The following KIF26B variants were observed in gnomAD, a reference collection of about 807,000 sequenced individuals.
KIF26B encodes kinesin family member 26B, also known as kinesin-like protein KIF26B.
Under a neutral mutation model 151.2 loss-of-function variants are expected in KIF26B, and 63 were observed. That is an observed-to-expected ratio of 0.42 (90% confidence interval 0.34 to 0.51). The LOEUF (loss-of-function observed/expected upper bound fraction) is 0.51, where lower values mean the gene tolerates loss of function less well. Among genes scored for constraint, KIF26B ranks in the 20% least tolerant of loss-of-function variants. KIF26B has a pLI of 0.07. For synonymous variants in KIF26B, 1,357 were observed against 1,262.1 expected (o/e 1.08, Z -1.59); for missense variants, 2,813 against 2,913.6 (o/e 0.97, Z 0.79).
Position 245,613,493 on chromosome 1 carries a change from G to T in KIF26B, c.2098+1517G>T, listed in dbSNP as rs547415354. Among the ~76,000 whole-genome samples, 25 of 152,318 alleles carry T rather than the reference G, an allele frequency of 1.6e-4. No individual in the cohort carries two copies. In the South Asian group the frequency reaches 4.6e-3, roughly 28 times the overall value. ...TGGCACACACCTCCCAGCTAGTTGG[G>T]GGTCTGAGGCAGGAGAATTGCTTGA... On this transcript the variant is annotated intron_variant, in intron 9 of 14. Coordinates refer to ENST00000407071, the MANE Select transcript of KIF26B (RefSeq NM_018012.4).
rs1259008397 is a variant in KIF26B, at chr1:245,488,917, A to T, written c.1167-51850A>T. ...ATGCAAAATATGCTGATAAGATTAA[A>T]GCTCCTCTAGTGACTCTTAAGCCTC... On this transcript the variant is annotated intron_variant, in intron 4 of 14. Transcript: ENST00000407071. The surrounding 1 kb of genome is among the most constrained non-coding windows in gnomAD (Gnocchi z 4.6). Among the ~76,000 whole-genome samples, 1 of 152,152 alleles carries T rather than the reference A, an allele frequency of 6.6e-6. No homozygotes were observed.
intron 2 of KIF26B, among the ~76,000 whole-genome samples, chr1:245,253,966 C>G (rs190224073): frequency 6.6e-6 from 1 of 151,728 alleles, no homozygotes; most frequent in African/African-American, 2.4e-5. Flanking sequence ...CCCGCCACCA[C>G]GCCCGGCTGA....
Position 245,156,662 on chromosome 1 carries a change from C to A in KIF26B, c.444C>A (p.Leu148=). The change falls in exon 2 of 15, where the codon CTC becomes CTA. Residue 148 remains leucine (L), a synonymous_variant. Transcript: ENST00000407071. ...AGAGGCAGGCCCTGAGGTTGCTCCTCCCGGGGCCCTTCCCGGGCAAGGTGA... is the reference window on the plus strand; with the variant it reads ...AGAGGCAGGCCCTGAGGTTGCTCCTACCGGGGCCCTTCCCGGGCAAGGTGA... ...ELKRQALRLL[L]PGPFPGKDPA... is the part of the protein sequence containing the mutation. The A allele has an allele frequency of 4.7e-6, 7 of 1,502,974 alleles. No homozygotes were observed. Among genetic ancestry groups the A allele is most frequent in the Non-Finnish European group, 6.2e-6 (7 of 1,133,384 alleles). The allele number at this position is 1,502,974 out of a possible 1,614,324, so 93.1% of individuals were successfully genotyped here. A position where few individuals can be genotyped will look rare whatever the true frequency, so the allele number is the denominator to read the frequency against.
chr1:245,603,420 G>A (rs1253859020), intron 6 of KIF26B, among the ~76,000 whole-genome samples: 1 of 152,228 alleles, frequency 6.6e-6, no homozygotes, highest in East Asian at 1.9e-4. Context: ...ATTGCTCATC[G>A]GTCAGCTGAG....
In KIF26B at chr1:245,606,784, C is replaced by T. The variant is rs749684559; in HGVS notation, c.1558-867C>T. On this transcript the variant is annotated intron_variant, in intron 6 of 14. Transcript: ENST00000407071. The surrounding 1 kb of genome is among the most constrained non-coding windows in gnomAD (Gnocchi z 4.6). The stretch of plus-strand genomic sequence containing the variant: ...AGGTTTTGAAAAGAGGAGCATGGGA[C>T]GGGCGCAGTGGCTCACGCCTGTAAT... 1.3e-5 allele frequency among the ~76,000 whole-genome samples: 2 copies of T among 152,162 alleles called. No homozygotes were observed. The highest frequency in any genetic ancestry group is 2.9e-5 in the Non-Finnish European group (2 of 68,032).
chr1:245,683,732 C>T (rs10924303), intron 10 of KIF26B, among the ~76,000 whole-genome samples: 22,113 of 152,156 alleles, frequency 0.15, 2,181 homozygotes, highest in Non-Finnish European at 0.21. Context: ...ATAAAGTAGC[C>T]GCAGTTTCCT....
Position 245,416,303 on chromosome 1 carries a change from TCAAA to T in KIF26B, c.1000-3271_1000-3268del, listed in dbSNP as rs1284834073. Among the ~76,000 whole-genome samples, 4 of 122,144 alleles carry T rather than the reference TCAAA, an allele frequency of 3.3e-5. No homozygotes were observed. In the South Asian group the frequency reaches 7.8e-4, roughly 24 times the overall value. 80.1% of individuals were successfully genotyped at this position (122,144 alleles called of 152,430 possible). ...CTCAAAAAAAAAAAAAAAAAAAGAA[TCAAA>T]CAAAATAGAAAAGCAATGAAATGTT... On this transcript the variant is annotated intron_variant, in intron 3 of 14. Transcript: ENST00000407071.
At chr1:245,609,838 A>G (rs143114849) in intron 8 of KIF26B, among the ~76,000 whole-genome samples, 1 of 152,166 alleles carries the variant, frequency 6.6e-6, no homozygotes, top group Non-Finnish European at 1.5e-5. Flanking sequence ...GTTTAACAAC[A>G]AACCGGAATA....
At chr1:245,464,472 TG>T (rs909434033) in intron 4 of KIF26B, among the ~76,000 whole-genome samples, 3 of 146,916 alleles carry the variant, frequency 2.0e-5, no homozygotes, top group Non-Finnish European at 4.5e-5. Context: ...CGTGCGCGTG[TG>T]GGGGTGTGTG....
chr1:245,373,612 A>G (rs1050327243), intron 3 of KIF26B, among the ~76,000 whole-genome samples: 1 of 152,052 alleles, frequency 6.6e-6, no homozygotes, highest in East Asian at 1.9e-4. Flanking sequence ...TCTTGATACA[A>G]TTTTTCCTGC....
intron 2 of KIF26B, among the ~76,000 whole-genome samples, chr1:245,179,721 G>A (rs4658441): frequency 1 from 151,938 of 152,344 alleles, 75,768 homozygotes; most frequent in Non-Finnish European, 1. Flanking sequence ...AACAACTGTC[G>A]TAAAGGCTGT....
chr1:245,648,496 A>C (rs2043977586), intron 10 of KIF26B, among the ~76,000 whole-genome samples: 1 of 151,860 alleles, frequency 6.6e-6, no homozygotes, highest in Non-Finnish European at 1.5e-5. Context: ...TTAACCGGGC[A>C]TGGTGTTGCA....
rs994627091 is a variant in KIF26B, at chr1:245,156,395, G to C, written c.177G>C (p.Ala59=). Reference sequence around the variant, plus strand: ...GCAGCCGGCCCACTCCTGAGGGCGCGGGCTCAGCGCTCGGCTCCTCGGGGA... The same window carrying C: ...GCAGCCGGCCCACTCCTGAGGGCGCCGGCTCAGCGCTCGGCTCCTCGGGGA... ...RAGSRPTPEG[A]GSALGSSGTP... is the part of the protein sequence containing the mutation. The change falls in exon 2 of 15, where the codon GCG becomes GCC. Residue 59 remains alanine (A), a synonymous_variant. Transcript: ENST00000407071. The C allele has an allele frequency of 5.8e-6, 9 of 1,540,100 alleles. No individual in the cohort carries two copies. The highest frequency in any genetic ancestry group is 2.0e-5 in the Admixed American group (1 of 50,400).
intron 9 of KIF26B, among the ~76,000 whole-genome samples, chr1:245,622,517 C>T (rs2043674596): frequency 6.6e-6 from 1 of 152,222 alleles, no homozygotes; most frequent in Admixed American, 6.5e-5. Flanking sequence ...CCCTCCCACG[C>T]ACCCCGAGTG....
intron 4 of KIF26B, among the ~76,000 whole-genome samples, chr1:245,524,901 A>C (rs1345367871): frequency 6.6e-6 from 1 of 152,170 alleles, no homozygotes; most frequent in African/African-American, 2.4e-5. Flanking sequence ...CATTAATTCT[A>C]ATCCAAGGGA....
intron 9 of KIF26B, 160 bp from the exon 10 acceptor site, chr1:245,645,961 C>G (rs771798979): frequency 1.5e-6 from 1 of 677,194 alleles, no homozygotes; most frequent in Non-Finnish European, 2.4e-6. Flanking sequence ...CTATTTGCAA[C>G]CCCAGCGTGA....
intron 3 of KIF26B, among the ~76,000 whole-genome samples, chr1:245,392,709 A>G (rs890789132): frequency 1.3e-5 from 2 of 152,094 alleles, no homozygotes; most frequent in African/African-American, 4.8e-5. Context: ...TTTGGCGTGG[A>G]GCTAATGGCA....
At chr1:245,345,069 G>A (rs1249490763) in intron 2 of KIF26B, among the ~76,000 whole-genome samples, 2 of 152,132 alleles carry the variant, frequency 1.3e-5, no homozygotes, top group Non-Finnish European at 2.9e-5. Flanking sequence ...AGCAGCAAGG[G>A]TAAATTTTCT....
chr1:245,457,519 C>T (rs1249843702), intron 4 of KIF26B, among the ~76,000 whole-genome samples: 2 of 152,094 alleles, frequency 1.3e-5, no homozygotes, highest in African/African-American at 4.8e-5. Context: ...CACTTTTTTC[C>T]TGCTGTTTTT....
Sources: gnomAD v4.1 joint callset for allele counts (sites outside exome capture counted in the v4.1 genomes callset) on GRCh38, gnomAD v4.1.1 for gene constraint, Gnocchi (gnomAD v3.1) non-coding constraint, MANE v1.5 for transcripts, NCBI Gene and HGNC (gene_info 2026-07-23, HGNC 2026-07-21) for gene names.